The following ROR2 variants were observed in gnomAD, a reference collection of about 807,000 sequenced individuals.
The protein encoded by ROR2 is ROR family WNT receptor 2.
A neutral mutation model predicts 74.9 loss-of-function variants in ROR2; 33 were observed. The observed-to-expected ratio is 0.44, with a 90% CI of 0.33 to 0.59. The LOEUF (loss-of-function observed/expected upper bound fraction) is 0.59, where lower values mean the gene tolerates loss of function less well. Ranked by LOEUF, ROR2 falls within the 20% of genes least tolerant of loss-of-function variation. The probability of loss-of-function intolerance (pLI) is 0.02; values close to 1 mark genes in which losing one functional copy is unlikely to be tolerated. For synonymous variants in ROR2, 586 were observed against 558.7 expected, an observed-to-expected ratio of 1.05 and a Z score of -0.69; for missense variants, 1,216 against 1,313.8, an observed-to-expected ratio of 0.93 and a Z score of 1.15.
intron 1 of ROR2, among the ~76,000 whole-genome samples, chr9:91,833,403 G>A (rs1828525343): frequency 6.6e-6 from 1 of 152,040 alleles, no homozygotes; most frequent in African/African-American, 2.4e-5. Context: ...TGCCCCAACC[G>A]CTACTGTCCC....
chr9:91,805,708 CA>C (rs1015772618), intron 1 of ROR2, among the ~76,000 whole-genome samples: 7 of 152,208 alleles, frequency 4.6e-5, no homozygotes, highest in African/African-American at 1.7e-4. Context: ...CATACGTACA[CA>C]CACCCACACA....
intron 1 of ROR2, among the ~76,000 whole-genome samples, chr9:91,908,754 A>C (rs1372439979): frequency 6.6e-6 from 1 of 152,252 alleles, no homozygotes; most frequent in Admixed American, 6.5e-5. Flanking sequence ...CTGAGATTTT[A>C]AACATTCAGT....
At chr9:91,812,935 A>G (rs944417448) in intron 1 of ROR2, among the ~76,000 whole-genome samples, 14 of 152,116 alleles carry the variant, frequency 9.2e-5, no homozygotes, top group Non-Finnish European at 1.0e-4. Context: ...TCACATGTAC[A>G]TCTGTCTCCT....
intron 1 of ROR2, among the ~76,000 whole-genome samples, chr9:91,917,905 T>G (rs1587845839): frequency 1.3e-5 from 2 of 152,178 alleles, no homozygotes; most frequent in African/African-American, 4.8e-5. Flanking sequence ...AGTAGAAAGC[T>G]CATTCTTGTA....
In ROR2 at chr9:91,817,065, T is replaced by C. The variant is rs577374580; in HGVS notation, c.98-41247A>G. On this transcript the variant is annotated intron_variant, in intron 1 of 8. Transcript: ENST00000375708. ...TGTGGGGAGACCCATGGGCTGTGGC[T>C]CTGCCTGCCTTCCAGAAGCTTCACT... is the stretch of plus-strand genomic sequence containing the variant. Among the ~76,000 whole-genome samples, 4 of 152,340 alleles carry C rather than the reference T, an allele frequency of 2.6e-5. No homozygotes were observed. The South Asian group carries it at 8.3e-4, about 32-fold the overall frequency.
intron 1 of ROR2, among the ~76,000 whole-genome samples, chr9:91,926,647 G>A (rs1831410927): frequency 6.6e-6 from 1 of 151,854 alleles, no homozygotes; most frequent in African/African-American, 2.4e-5. Flanking sequence ...ACTGTAGCCA[G>A]ATGTAGAAAT....
At chr9:91,841,527 G>A (rs193024848) in intron 1 of ROR2, among the ~76,000 whole-genome samples, 12 of 152,348 alleles carry the variant, frequency 7.9e-5, no homozygotes, top group Admixed American at 1.3e-4. Context: ...ATTTTTATTG[G>A]TTTAAGGTGA....
Position 91,741,891 on chromosome 9 carries a change from A to G in ROR2, c.495-4373T>C, listed in dbSNP as rs576231012. Among the ~76,000 whole-genome samples the G allele has an allele frequency of 2.0e-5, 3 of 152,364 alleles. No individual in the cohort carries two copies. In the South Asian group the frequency reaches 6.2e-4, roughly 32 times the overall value. ...GAATGCAAAACCTAGCATACAAACC[A>G]TGATGTCCACTATACAATAAAATTA... is the stretch of plus-strand genomic sequence containing the variant. On this transcript the variant is annotated intron_variant, in intron 4 of 8. Coordinates refer to ENST00000375708, the MANE Select transcript of ROR2 (RefSeq NM_004560.4).
At chr9:91,795,093 G>C (rs144846397) in intron 1 of ROR2, among the ~76,000 whole-genome samples, 1,542 of 152,076 alleles carry the variant, frequency 0.01, 34 homozygotes, top group African/African-American at 0.036. Context: ...ACTCCAGCCT[G>C]GGCAACATAG....
chr9:91,824,543 T>C (rs1217088655), intron 1 of ROR2, among the ~76,000 whole-genome samples: 5 of 151,938 alleles, frequency 3.3e-5, no homozygotes, highest in African/African-American at 4.8e-5. Flanking sequence ...GGGAGAAAAA[T>C]TTCAAAAGCA....
At chr9:91,897,968 G>T (rs1183034383) in intron 1 of ROR2, among the ~76,000 whole-genome samples, 1 of 152,084 alleles carries the variant, frequency 6.6e-6, no homozygotes, top group Non-Finnish European at 1.5e-5. Context: ...GACTGAAGAG[G>T]AAGGGAGAAG....
intron 1 of ROR2, among the ~76,000 whole-genome samples, chr9:91,850,519 T>C (rs1454320167): frequency 6.6e-6 from 1 of 152,170 alleles, no homozygotes; most frequent in Non-Finnish European, 1.5e-5. Context: ...ACCATGCTGC[T>C]GGCTCTGAAG....
chr9:91,826,212 T>C (rs1017819806), intron 1 of ROR2, among the ~76,000 whole-genome samples: 2 of 152,148 alleles, frequency 1.3e-5, no homozygotes, highest in Non-Finnish European at 2.9e-5. Flanking sequence ...GCCCTTCCCA[T>C]TCATAGGACT....
rs73651525 is a variant in ROR2 at position 91,786,037 on chromosome 9, C to T, written c.98-10219G>A. Reference sequence around the variant, plus strand: ...ATTTCACTAAGTGAAAGAAGCCAGACTCAAAAGGCAATATAGCTGGCACCC... The same window carrying T: ...ATTTCACTAAGTGAAAGAAGCCAGATTCAAAAGGCAATATAGCTGGCACCC... On this transcript the variant is annotated intron_variant, in intron 1 of 8. Coordinates refer to ENST00000375708, the MANE Select transcript of ROR2 (RefSeq NM_004560.4). 8.3e-3 allele frequency among the ~76,000 whole-genome samples: 1,252 copies of T among 151,750 alleles called. 23 individuals are homozygous for T. Among genetic ancestry groups the T allele is most frequent in the African/African-American group, 0.028 (1,140 of 41,414 alleles).
intron 7 of ROR2, among the ~76,000 whole-genome samples, chr9:91,728,780 C>T (rs1429209277): frequency 6.6e-6 from 1 of 152,184 alleles, no homozygotes; most frequent in African/African-American, 2.4e-5. Context: ...TTTTCCTGCT[C>T]CTGTTTTTTT....
chr9:91,857,788 C>T (rs981284705), intron 1 of ROR2, among the ~76,000 whole-genome samples: 2 of 152,192 alleles, frequency 1.3e-5, no homozygotes, highest in African/African-American at 4.8e-5. Flanking sequence ...AGCCACAGGG[C>T]AGCCCTTGTT....
chr9:91,882,104 T>C (rs544014019), intron 1 of ROR2, among the ~76,000 whole-genome samples: 4 of 152,066 alleles, frequency 2.6e-5, no homozygotes, highest in Non-Finnish European at 4.4e-5. Flanking sequence ...AGCTCACAGC[T>C]CAGTCTATAG....
chr9:91,790,383 G>A (rs2119001342), intron 1 of ROR2, among the ~76,000 whole-genome samples: 1 of 151,822 alleles, frequency 6.6e-6, no homozygotes, highest in East Asian at 1.9e-4. Context: ...GGTGGCGAAA[G>A]CCTGTAATCC....
chr9:91,724,561 A>C lies in ROR2; in HGVS notation c.1933T>G (p.Tyr645Asp), dbSNP rs1357736730. The C allele has an allele frequency of 6.2e-7, 1 of 1,614,158 alleles. No homozygotes were observed. The highest frequency in any genetic ancestry group is 1.3e-5 in the African/African-American group (1 of 75,062). Residue 645 changes from tyrosine (Y) to aspartate (D), a missense_variant, in exon 9 of 9, where the codon TAC becomes GAC. Coordinates refer to ENST00000375708, the MANE Select transcript of ROR2 (RefSeq NM_004560.4). ...AGCGAGTTCCCCAGCAGCTTGTAGTAATCGGCGGCATACACCTCTCGGAAG... is the reference window on the plus strand; with the variant it reads ...AGCGAGTTCCCCAGCAGCTTGTAGTCATCGGCGGCATACACCTCTCGGAAG... ...GLFREVYAADYYKLLGNSLLP... is the reference protein window; with the variant it reads ...GLFREVYAADDYKLLGNSLLP...
Sources: gnomAD v4.1 joint callset for allele counts (sites outside exome capture counted in the v4.1 genomes callset) on GRCh38, gnomAD v4.1.1 for gene constraint, MANE v1.5 for transcripts, NCBI Gene and HGNC (gene_info 2026-07-23, HGNC 2026-07-21) for gene names.